The following FRAS1 variants were observed in gnomAD, a reference collection of about 807,000 sequenced individuals.
FRAS1 encodes the protein Fraser extracellular matrix complex subunit 1, also known as extracellular matrix organizing protein FRAS1.
In FRAS1, 290 loss-of-function variants were observed where a neutral mutation model predicts 435.2. The observed-to-expected ratio is 0.67, with a 90% CI of 0.61 to 0.73. The LOEUF (loss-of-function observed/expected upper bound fraction) is 0.73, where lower values mean the gene tolerates loss of function less well. FRAS1 is among the 30% of genes least tolerant of loss of function. FRAS1 has a pLI of 0.00. For synonymous variants in FRAS1, 1,800 were observed against 1,851.0 expected (o/e 0.97, Z 0.71); for missense variants, 4,860 against 5,001.5 (o/e 0.97, Z 0.85).
At chr4:78,362,761 G>A (rs1358297409) in intron 20 of FRAS1, among the ~76,000 whole-genome samples, 1 of 152,218 alleles carries the variant, frequency 6.6e-6, no homozygotes, top group African/African-American at 2.4e-5. Flanking sequence ...TCAGAAGAGA[G>A]TGGAGCTGGA....
At chr4:78,431,703 T>C (rs969634809) in intron 37 of FRAS1, among the ~76,000 whole-genome samples, 4 of 152,168 alleles carry the variant, frequency 2.6e-5, no homozygotes, top group African/African-American at 7.2e-5. Context: ...TTAATACTTA[T>C]ATACTAAAAT....
chr4:78,138,876 C>G (rs978933680), intron 2 of FRAS1, among the ~76,000 whole-genome samples: 68 of 152,144 alleles, frequency 4.5e-4, no homozygotes, highest in Non-Finnish European at 9.3e-4. Context: ...GTTGATCTTC[C>G]TTAGTCTTAA....
rs115429445 is a variant in FRAS1, at chr4:78,367,959, G to A, written c.2723-1879G>A. Among the ~76,000 whole-genome samples the A allele has an allele frequency of 1.8e-3, 270 of 152,254 alleles. 3 individuals are homozygous for A. Among genetic ancestry groups the A allele is most frequent in the African/African-American group, 5.8e-3 (242 of 41,550 alleles). ...TAAGGCCTAATTAATGTGATACTCTGCTGTGGACCTATTTTTATCAATTAT... is the reference window on the plus strand; with the variant it reads ...TAAGGCCTAATTAATGTGATACTCTACTGTGGACCTATTTTTATCAATTAT... On this transcript the variant is annotated intron_variant, in intron 22 of 73. Coordinates refer to ENST00000512123, the MANE Select transcript of FRAS1 (RefSeq NM_025074.7).
chr4:78,539,569 T>G (rs1057442693), intron 73 of FRAS1, 129 bp downstream of exon 73: 87 of 941,960 alleles, frequency 9.2e-5, no homozygotes, highest in East Asian at 6.4e-4. Flanking sequence ...CTGGCAGATC[T>G]TTTCTTATTG....
At chr4:78,406,879 T>C (rs1254062198) in intron 30 of FRAS1, among the ~76,000 whole-genome samples, 3 of 152,112 alleles carry the variant, frequency 2.0e-5, no homozygotes, top group Admixed American at 6.5e-5. Flanking sequence ...AAATCTGAAA[T>C]CTGAAATGCT....
intron 63 of FRAS1, 96 bp from the exon 64 acceptor site, chr4:78,511,177 TG>T: frequency 1.0e-6 from 1 of 967,664 alleles, no homozygotes; most frequent in Non-Finnish European, 1.5e-6. Context: ...AATGGATGGG[TG>T]GATGGATGAT....
At chr4:78,065,081 T>TATATATATATATATATATATATACACAC (rs762909923) in intron 1 of FRAS1, among the ~76,000 whole-genome samples, 1 of 125,692 alleles carries the variant, frequency 8.0e-6, no homozygotes, top group Non-Finnish European at 1.7e-5. Flanking sequence ...TATATATATA[T>TATATATATATATATATATATATACACAC]ATACATACAC....
chr4:78,453,882 C>T (rs143505093), intron 47 of FRAS1, among the ~76,000 whole-genome samples: 35 of 152,230 alleles, frequency 2.3e-4, no homozygotes, highest in Admixed American at 7.2e-4. Flanking sequence ...TTTAGAGCTT[C>T]GTGGATTCTT....
At chr4:78,135,059 C>G (rs10026268) in intron 2 of FRAS1, among the ~76,000 whole-genome samples, 25,204 of 152,056 alleles carry the variant, frequency 0.17, 2,262 homozygotes, top group Admixed American at 0.2. Context: ...TCAGCAATGT[C>G]ATGGGGCTGA....
intron 58 of FRAS1, among the ~76,000 whole-genome samples, chr4:78,485,359 T>C (rs1720138018): frequency 6.6e-6 from 1 of 152,198 alleles, no homozygotes; most frequent in Non-Finnish European, 1.5e-5. Context: ...CACACAAAAT[T>C]ATATTTAAAT....
At chr4:78,512,514 A>G (rs1010572228) in intron 64 of FRAS1, among the ~76,000 whole-genome samples, 7 of 116,674 alleles carry the variant, frequency 6.0e-5, no homozygotes, top group African/African-American at 1.7e-4. Flanking sequence ...AACTGGTACA[A>G]TGACAAAAAT....
intron 32 of FRAS1, among the ~76,000 whole-genome samples, chr4:78,414,711 T>A (rs1733481445): frequency 1.3e-5 from 2 of 152,228 alleles, no homozygotes. Context: ...AAGGTAGGAA[T>A]CTACTTCTCC....
chr4:78,523,734 G>A (rs1362604253), intron 69 of FRAS1, among the ~76,000 whole-genome samples: 1 of 152,036 alleles, frequency 6.6e-6, no homozygotes, highest in Non-Finnish European at 1.5e-5. Context: ...AACCTTCAAG[G>A]ACTGTGCTTC....
rs770169831 is a variant in FRAS1, at chr4:78,374,205, A to G, written c.3105A>G (p.Glu1035=). The change falls in exon 25 of 74, where the codon GAA becomes GAG. Residue 1035 remains glutamate, a synonymous_variant. Transcript: ENST00000512123. The stretch of plus-strand genomic sequence containing the variant: ...TCTTGGAAGCCCAGTGTGTCCAGGA[A>G]TGTGGGAAGGGGTACTTTGCAGATC... ...FLLLEAQCVQ[E]CGKGYFADHA... is the part of the protein sequence containing the mutation. The G allele has an allele frequency of 6.2e-7, 1 of 1,605,360 alleles. No individual in the cohort carries two copies. The highest frequency in any genetic ancestry group is 8.5e-7 in the Non-Finnish European group (1 of 1,173,752).
At chr4:78,058,176 G>A (rs1739569887) in intron 1 of FRAS1, 91 bp downstream of exon 1, 2 of 1,189,818 alleles carry the variant, frequency 1.7e-6, no homozygotes, top group South Asian at 1.5e-5. Flanking sequence ...AATCTCAGCA[G>A]GTTTTATGGT....
At chr4:78,116,040 C>A (rs993562330) in intron 2 of FRAS1, among the ~76,000 whole-genome samples, 15 of 152,172 alleles carry the variant, frequency 9.9e-5, no homozygotes, top group Non-Finnish European at 1.9e-4. Flanking sequence ...TCTTTGTTCT[C>A]ATTGGTTTCA....
At chr4:78,059,904 G>GCGGGGT (rs1321281234) in intron 1 of FRAS1, among the ~76,000 whole-genome samples, 1 of 121,164 alleles carries the variant, frequency 8.3e-6, no homozygotes, top group Non-Finnish European at 1.7e-5. Flanking sequence ...GGGGGCGGGG[G>GCGGGGT]CGGAGAGAGG....
intron 14 of FRAS1, among the ~76,000 whole-genome samples, chr4:78,295,766 A>G (rs1470389419): frequency 7.0e-6 from 1 of 141,870 alleles, no homozygotes; most frequent in Non-Finnish European, 1.5e-5. Context: ...TTTTTTTTAG[A>G]TGGAGTCTCA....
At chr4:78,340,706 A>T (rs1438194034) in intron 20 of FRAS1, among the ~76,000 whole-genome samples, 2 of 152,172 alleles carry the variant, frequency 1.3e-5, no homozygotes, top group Admixed American at 1.3e-4. Context: ...CAAGTTTTGG[A>T]GGCTGGAAGT....
Sources: gnomAD v4.1 joint callset for allele counts (sites outside exome capture counted in the v4.1 genomes callset) on GRCh38, gnomAD v4.1.1 for gene constraint, MANE v1.5 for transcripts, NCBI Gene and HGNC (gene_info 2026-07-23, HGNC 2026-07-21) for gene names.